Variants in SPATS2 observed in about 807,000 individuals in gnomAD.
The protein encoded by SPATS2 is spermatogenesis-associated serine-rich protein 2.
SPATS2 carries 38 observed loss-of-function variants against 63.7 expected under a neutral mutation model. That is an observed-to-expected ratio of 0.60 (90% CI 0.46 to 0.78). SPATS2 has a LOEUF of 0.78. Ranked by LOEUF, SPATS2 falls within the 30% of genes least tolerant of loss-of-function variation. The probability of loss-of-function intolerance (pLI) is 0.00; values close to 1 mark genes in which losing one functional copy is unlikely to be tolerated. For missense variants in SPATS2, 588 were observed against 666.2 expected, an observed-to-expected ratio of 0.88 and a Z score of 1.29; for synonymous variants, 207 against 232.9, an observed-to-expected ratio of 0.89 and a Z score of 1.01.
intron 1 of SPATS2, among the ~76,000 whole-genome samples, chr12:49,368,656 C>T (rs1943945901): frequency 1.3e-5 from 2 of 152,116 alleles, no homozygotes; most frequent in African/African-American, 4.8e-5. Context: ...TGCCTCATAC[C>T]TTCCAGTTTC....
At chr12:49,489,844 G>A (rs141951598) in intron 5 of SPATS2, among the ~76,000 whole-genome samples, 1 of 152,236 alleles carries the variant, frequency 6.6e-6, no homozygotes, top group East Asian at 1.9e-4. Flanking sequence ...GTGGTATAAG[G>A]GACTTGATTG....
At chr12:49,490,633 T>C (rs1946366271) in intron 5 of SPATS2, 49 bp from the exon 6 acceptor site, 1 of 1,542,444 alleles carries the variant, frequency 6.5e-7, no homozygotes, top group Non-Finnish European at 9.0e-7. Flanking sequence ...CCTGCTTGAC[T>C]ACTGTGTGTG....
At chr12:49,437,406 T>C (rs1945332201) in intron 2 of SPATS2, among the ~76,000 whole-genome samples, 1 of 151,918 alleles carries the variant, frequency 6.6e-6, no homozygotes, top group South Asian at 2.1e-4. Flanking sequence ...GCAGAGACGC[T>C]CCTCACTTCC....
intron 8 of SPATS2, among the ~76,000 whole-genome samples, chr12:49,498,145 A>AAAATATATATATATATATAT (rs66900382): frequency 1.8e-3 from 176 of 98,898 alleles, no homozygotes; most frequent in South Asian, 5.5e-3. Context: ...AAAAAAAAAA[A>AAAATATATATATATATATAT]ATATATATAT....
chr12:49,433,210 T>C (rs770163572), intron 2 of SPATS2, among the ~76,000 whole-genome samples: 13 of 152,232 alleles, frequency 8.5e-5, no homozygotes, highest in African/African-American at 2.2e-4. Context: ...TCACACAGGC[T>C]GGAGTGCAGT....
intron 5 of SPATS2, among the ~76,000 whole-genome samples, chr12:49,489,925 G>A (rs1946356407): frequency 6.6e-6 from 1 of 152,152 alleles, no homozygotes; most frequent in Non-Finnish European, 1.5e-5. Context: ...ACCAACAGAT[G>A]GCAAATTCAA....
At chr12:49,436,145 A>G (rs1188513215) in intron 2 of SPATS2, among the ~76,000 whole-genome samples, 59 of 151,674 alleles carry the variant, frequency 3.9e-4, no homozygotes, top group African/African-American at 1.4e-3. Flanking sequence ...CCCGTTCTCA[A>G]TGAGCTGTTG....
intron 6 of SPATS2, among the ~76,000 whole-genome samples, chr12:49,493,700 C>G (rs1319149130): frequency 1.3e-5 from 2 of 152,100 alleles, no homozygotes; most frequent in Non-Finnish European, 2.9e-5. Flanking sequence ...ACTGCACCCA[C>G]CCAATACACT....
At chr12:49,463,052 C>T (rs184669725) in intron 3 of SPATS2, 1 of 152,224 alleles carries the variant, frequency 6.6e-6, no homozygotes, top group African/African-American at 2.4e-5. Context: ...CCATCAGTTG[C>T]TTTTTTCTAA....
chr12:49,488,859 A>G (rs924056492), intron 4 of SPATS2, among the ~76,000 whole-genome samples: 3 of 152,228 alleles, frequency 2.0e-5, no homozygotes, highest in African/African-American at 7.2e-5. Flanking sequence ...TACCAAGTTC[A>G]GGGTAGAAAT....
chr12:49,520,271 C>T (rs539960103), intron 11 of SPATS2, among the ~76,000 whole-genome samples: 72 of 152,264 alleles, frequency 4.7e-4, no homozygotes, highest in African/African-American at 1.6e-3. Context: ...TGAGCCACCA[C>T]GCCCAGCGGC....
intron 2 of SPATS2, among the ~76,000 whole-genome samples, chr12:49,382,357 G>C (rs1382654740): frequency 6.6e-6 from 1 of 152,236 alleles, no homozygotes; most frequent in Admixed American, 6.5e-5. Context: ...GGTGAAGACA[G>C]TCTCCCAGTT....
chr12:49,412,615 T>G (rs532387503), intron 2 of SPATS2, among the ~76,000 whole-genome samples: 1 of 152,064 alleles, frequency 6.6e-6, no homozygotes, highest in African/African-American at 2.4e-5. Flanking sequence ...GCATGGTGGC[T>G]CATTCCTGTA....
At chr12:49,399,951 G>C (rs1203572691) in intron 2 of SPATS2, among the ~76,000 whole-genome samples, 1 of 152,206 alleles carries the variant, frequency 6.6e-6, no homozygotes, top group African/African-American at 2.4e-5. Flanking sequence ...CAGGAGAATG[G>C]CGTGAACCCG....
chr12:49,437,904 A>G (rs191976249), intron 2 of SPATS2, among the ~76,000 whole-genome samples: 2 of 152,244 alleles, frequency 1.3e-5, no homozygotes, highest in East Asian at 3.9e-4. Flanking sequence ...TTATGTACAA[A>G]TGACTAGTCA....
At chr12:49,380,046 T>A (rs1007084157) in intron 2 of SPATS2, among the ~76,000 whole-genome samples, 2 of 152,230 alleles carry the variant, frequency 1.3e-5, no homozygotes, top group Non-Finnish European at 2.9e-5. Context: ...ATGTACCTAT[T>A]CTGTATATTT....
intron 8 of SPATS2, 73 bp downstream of exon 8, chr12:49,497,082 G>A: frequency 2.8e-6 from 4 of 1,409,882 alleles, no homozygotes; most frequent in South Asian, 1.4e-5. Context: ...AATTATCTCT[G>A]TTGCCATAAA....
intron 2 of SPATS2, among the ~76,000 whole-genome samples, chr12:49,425,825 G>T (rs947330806): frequency 2.6e-5 from 4 of 151,510 alleles, no homozygotes; most frequent in Admixed American, 2.0e-4. Context: ...AGAGACGGGG[G>T]TTTCACCACG....
intron 2 of SPATS2, among the ~76,000 whole-genome samples, chr12:49,435,022 CTTTTTTTTT>C (rs776284070): frequency 8.8e-6 from 1 of 114,064 alleles, no homozygotes; most frequent in South Asian, 3.1e-4. Context: ...AACTGAATGG[CTTTTTTTTT>C]TTTTTTTTTT....
Sources: allele counts gnomAD v4.1 joint callset (sites outside exome capture counted in the v4.1 genomes callset), GRCh38; gene constraint gnomAD v4.1.1; transcripts MANE v1.5; gene names NCBI Gene and HGNC (gene_info 2026-07-23, HGNC 2026-07-21).